DYRK1A: variants seen among roughly 807,000 people sequenced by gnomAD.
DYRK1A encodes dual specificity tyrosine phosphorylation regulated kinase 1A.
A neutral mutation model predicts 79.7 loss-of-function variants in DYRK1A; 9 were observed. The ratio of observed to expected loss-of-function variants is 0.11; its 90% confidence interval spans 0.07 to 0.20. DYRK1A has a LOEUF of 0.20. DYRK1A is among the 10% of genes least tolerant of loss of function. The pLI, the probability that DYRK1A is intolerant of heterozygous loss-of-function variation, is 1.00. For synonymous variants in DYRK1A, 349 were observed against 329.7 expected (o/e 1.06, Z -0.63); for missense variants, 622 against 956.0 (o/e 0.65, Z 4.61).
At position 37,366,954 on chromosome 21, in the gene DYRK1A, G is replaced by A. The variant is rs1055020436; in HGVS notation, c.-751G>A. 7 of 157,816 alleles carry A rather than the reference G, an allele frequency of 4.4e-5. No homozygotes were observed. Among genetic ancestry groups the A allele is most frequent in the Non-Finnish European group, 8.4e-5 (6 of 71,072 alleles). The allele number at this position is 157,816 out of a possible 1,614,324, so 9.8% of individuals were successfully genotyped here. The stretch of plus-strand genomic sequence containing the variant: ...CTGATCGCGGCCCAGGTCGGCCTCA[G>A]AGAGCGGACACCCCGAGCGGGGGGT... On this transcript the variant is annotated 5_prime_UTR_variant, in exon 1 of 12. Coordinates refer to ENST00000647188, the MANE Select transcript of DYRK1A (RefSeq NM_001347721.2).
intron 5 of DYRK1A, among the ~76,000 whole-genome samples, chr21:37,485,299 C>T (rs16995199): frequency 6.6e-6 from 1 of 152,120 alleles, no homozygotes; most frequent in Non-Finnish European, 1.5e-5. Flanking sequence ...GTCAGTACAT[C>T]CAGTGAAGCA....
At chr21:37,422,825 T>A (rs1162985309) in intron 2 of DYRK1A, among the ~76,000 whole-genome samples, 2 of 152,084 alleles carry the variant, frequency 1.3e-5, no homozygotes, top group Non-Finnish European at 2.9e-5. Context: ...GAGAAAAAAA[T>A]AGTTTTACTG....
chr21:37,371,452 G>A (rs910712623), intron 1 of DYRK1A, among the ~76,000 whole-genome samples: 2 of 152,214 alleles, frequency 1.3e-5, no homozygotes, highest in Admixed American at 6.5e-5. Flanking sequence ...TAAAACGAGT[G>A]AGAATTGTTT....
intron 5 of DYRK1A, among the ~76,000 whole-genome samples, chr21:37,482,903 C>CG (rs1569366630): frequency 6.6e-6 from 1 of 152,168 alleles, no homozygotes; most frequent in African/African-American, 2.4e-5. Flanking sequence ...CTGTTCCGCC[C>CG]GGGTCAGTGG....
intron 2 of DYRK1A, among the ~76,000 whole-genome samples, chr21:37,444,284 G>A (rs1167031955): frequency 6.6e-6 from 1 of 152,148 alleles, no homozygotes; most frequent in Non-Finnish European, 1.5e-5. Context: ...GTGATTACCC[G>A]AATTGAATAC....
chr21:37,411,802 C>G (rs2050250532), intron 1 of DYRK1A, among the ~76,000 whole-genome samples: 1 of 152,152 alleles, frequency 6.6e-6, no homozygotes, highest in African/African-American at 2.4e-5. Context: ...TCTGAGATAA[C>G]TATTATTTGC....
chr21:37,383,122 T>A (rs1264068584), intron 1 of DYRK1A, among the ~76,000 whole-genome samples: 1 of 152,250 alleles, frequency 6.6e-6, no homozygotes, highest in African/African-American at 2.4e-5. Context: ...CTGGCAGTGC[T>A]TGCCTACCTC....
At position 37,398,448 on chromosome 21, in the gene DYRK1A, C is replaced by T. The variant is rs555348537; in HGVS notation, c.-76-21851C>T. ...CCTGAAAGGTAAGTGCTATTATCTC[C>T]ATTTAGGAATAAACTGGGAAATAAT... On this transcript the variant is annotated intron_variant, in intron 1 of 11. Coordinates refer to ENST00000647188, the MANE Select transcript of DYRK1A (RefSeq NM_001347721.2). 2.0e-5 allele frequency among the ~76,000 whole-genome samples: 3 copies of T among 152,174 alleles called. No individual in the cohort carries two copies. The South Asian group carries it at 6.2e-4, about 32-fold the overall frequency.
rs966383920 is a variant in DYRK1A, at chr21:37,516,755, G to A, written c.*4224G>A. 14 of 152,044 alleles carry A rather than the reference G, an allele frequency of 9.2e-5. No individual in the cohort carries two copies. Among genetic ancestry groups the A allele is most frequent in the Admixed American group, 2.6e-4 (4 of 15,272 alleles). 9.4% of individuals were successfully genotyped at this position (152,044 alleles called of 1,614,324 possible). A position where few individuals can be genotyped will look rare whatever the true frequency, so the allele number is the denominator to read the frequency against. On this transcript the variant is annotated 3_prime_UTR_variant, in exon 12 of 12. Coordinates refer to ENST00000647188, the MANE Select transcript of DYRK1A (RefSeq NM_001347721.2). ...CCCAGATTTTGGCTGCTCTCAGTGGGTGTTCTTGCATCAGAACTTTAAAAA... is the reference window on the plus strand; with the variant it reads ...CCCAGATTTTGGCTGCTCTCAGTGGATGTTCTTGCATCAGAACTTTAAAAA...
chr21:37,434,345 A>G (rs932264812), intron 2 of DYRK1A, among the ~76,000 whole-genome samples: 1 of 152,212 alleles, frequency 6.6e-6, no homozygotes, highest in African/African-American at 2.4e-5. Context: ...AGGTGGGACA[A>G]GTTGATCTAT....
chr21:37,380,850 C>T (rs1326346504), intron 1 of DYRK1A, among the ~76,000 whole-genome samples: 1 of 152,170 alleles, frequency 6.6e-6, no homozygotes, highest in East Asian at 1.9e-4. Context: ...CTCACTGCCT[C>T]TTCTCACCAG....
intron 1 of DYRK1A, among the ~76,000 whole-genome samples, chr21:37,387,596 C>T (rs1384579558): frequency 6.6e-6 from 1 of 152,202 alleles, no homozygotes; most frequent in Non-Finnish European, 1.5e-5. Context: ...TTCTTGCTCT[C>T]TGGACCTAAT....
chr21:37,483,180 A>G (rs1347439950), intron 5 of DYRK1A, among the ~76,000 whole-genome samples: 1 of 152,232 alleles, frequency 6.6e-6, no homozygotes, highest in Non-Finnish European at 1.5e-5. Flanking sequence ...ATTTATGTTT[A>G]GAGATTGCAG....
intron 9 of DYRK1A, among the ~76,000 whole-genome samples, chr21:37,500,873 G>A (rs1475592646): frequency 6.6e-6 from 1 of 151,222 alleles, no homozygotes; most frequent in African/African-American, 2.4e-5. Flanking sequence ...TCTTGCCTCA[G>A]GGTTGATCAA....
intron 2 of DYRK1A, among the ~76,000 whole-genome samples, chr21:37,451,191 A>G (rs2051436000): frequency 6.6e-6 from 1 of 152,244 alleles, no homozygotes; most frequent in Admixed American, 6.5e-5. Flanking sequence ...AAAGATTAAA[A>G]AGTTATATAA....
intron 1 of DYRK1A, among the ~76,000 whole-genome samples, chr21:37,385,536 A>G (rs2049743218): frequency 6.6e-6 from 1 of 152,230 alleles, no homozygotes; most frequent in Admixed American, 6.5e-5. Flanking sequence ...TTAACGTGTC[A>G]TAACCATGGA....
intron 3 of DYRK1A, among the ~76,000 whole-genome samples, chr21:37,473,568 T>C (rs752044232): frequency 6.6e-6 from 1 of 152,204 alleles, no homozygotes; most frequent in African/African-American, 2.4e-5. Context: ...CCACGGATAT[T>C]TGATGTGTGA....
intron 2 of DYRK1A, among the ~76,000 whole-genome samples, chr21:37,433,210 A>T (rs1194738415): frequency 1.3e-5 from 2 of 152,270 alleles, no homozygotes; most frequent in African/African-American, 4.8e-5. Flanking sequence ...TAAGCTAAAC[A>T]TTTAAATTGA....
chr21:37,498,919 C>G (rs759558509), intron 9 of DYRK1A, among the ~76,000 whole-genome samples: 3 of 152,058 alleles, frequency 2.0e-5, no homozygotes, highest in Non-Finnish European at 4.4e-5. Context: ...TTTTCATATG[C>G]TTATTAGCCT....
Sources: allele counts gnomAD v4.1 joint callset (sites outside exome capture counted in the v4.1 genomes callset), GRCh38; gene constraint gnomAD v4.1.1; transcripts MANE v1.5; gene names NCBI Gene and HGNC (gene_info 2026-07-23, HGNC 2026-07-21).